MIPOL1: variants seen among roughly 807,000 people sequenced by gnomAD.
The protein encoded by MIPOL1 is mirror-image polydactyly 1.
In MIPOL1, 57 loss-of-function variants were observed where a neutral mutation model predicts 60.9. That is an observed-to-expected ratio of 0.94 (90% confidence interval 0.76 to 1.17). The LOEUF is 1.17. Ranked by LOEUF, MIPOL1 falls within the 50% of genes most tolerant of loss-of-function variation. The pLI, the probability that MIPOL1 is intolerant of heterozygous loss-of-function variation, is 0.00. For missense variants in MIPOL1, 551 were observed against 511.6 expected, an observed-to-expected ratio of 1.08 and a Z score of -0.74; for synonymous variants, 179 against 168.8, an observed-to-expected ratio of 1.06 and a Z score of -0.47.
At chr14:37,397,063 A>G (rs1211922681) in intron 10 of MIPOL1, 1 of 152,086 alleles carries the variant, frequency 6.6e-6, no homozygotes, top group Non-Finnish European at 1.5e-5. Flanking sequence ...GTTTTGTCAT[A>G]TTACCAGAGT....
At chr14:37,327,994 A>C (rs1022556524) in intron 9 of MIPOL1, among the ~76,000 whole-genome samples, 21 of 151,734 alleles carry the variant, frequency 1.4e-4, no homozygotes, top group African/African-American at 5.1e-4. Context: ...TTTTGTCTAA[A>C]ATTTTTGCAG....
At chr14:37,452,058 G>A (rs547781797) in intron 11 of MIPOL1, among the ~76,000 whole-genome samples, 190 of 151,430 alleles carry the variant, frequency 1.3e-3, no homozygotes, top group African/African-American at 4.3e-3. Flanking sequence ...CTCGTGATCC[G>A]CCCGCCTCGG....
chr14:37,496,101 T>G (rs985593635), intron 11 of MIPOL1, among the ~76,000 whole-genome samples: 5 of 152,092 alleles, frequency 3.3e-5, no homozygotes, highest in Non-Finnish European at 7.4e-5. Context: ...TGATGGTAGT[T>G]TCTTTTGCTG....
chr14:37,518,675 T>C (rs1486478862), intron 12 of MIPOL1, among the ~76,000 whole-genome samples: 1 of 152,188 alleles, frequency 6.6e-6, no homozygotes, highest in African/African-American at 2.4e-5. Flanking sequence ...CTCTATCCTC[T>C]GAAAAGGGCT....
intron 7 of MIPOL1, among the ~76,000 whole-genome samples, chr14:37,299,276 CAG>C (rs1002256536): frequency 2.7e-5 from 4 of 145,674 alleles, no homozygotes; most frequent in Admixed American, 7.1e-5. Flanking sequence ...ACATCACACA[CAG>C]GGGACTGTTG....
intron 3 of MIPOL1, among the ~76,000 whole-genome samples, chr14:37,255,685 G>C (rs183233190): frequency 4.0e-4 from 61 of 151,772 alleles, no homozygotes; most frequent in Admixed American, 8.5e-4. Context: ...AGCAAGTCAG[G>C]CTTCAAAATT....
chr14:37,324,675 G>A (rs1040622014), intron 9 of MIPOL1, among the ~76,000 whole-genome samples: 2 of 152,082 alleles, frequency 1.3e-5, no homozygotes, highest in African/African-American at 2.4e-5. Flanking sequence ...AGGCTTTAAT[G>A]TTTTAGTTTT....
At chr14:37,544,594 A>G (rs907002724) in intron 12 of MIPOL1, among the ~76,000 whole-genome samples, 1 of 152,210 alleles carries the variant, frequency 6.6e-6, no homozygotes, top group African/African-American at 2.4e-5. Flanking sequence ...TTCAACAGAC[A>G]CACACGTCTA....
chr14:37,293,115 C>T (rs991636936), intron 7 of MIPOL1, among the ~76,000 whole-genome samples: 12 of 145,100 alleles, frequency 8.3e-5, no homozygotes, highest in South Asian at 2.2e-4. Flanking sequence ...CAGATTCTTA[C>T]GTAATAAGGC....
At position 37,247,171 on chromosome 14, in the gene MIPOL1, T is replaced by C. The variant is rs753381999; in HGVS notation, c.-130T>C. On this transcript the variant is annotated 5_prime_UTR_variant, in exon 2 of 13. Transcript: ENST00000684589. ...TCCAAATCAACATATTTAGAGAAAATTGGAAAAGGAGAAGCTTACTACAGC... is the reference window on the plus strand; with the variant it reads ...TCCAAATCAACATATTTAGAGAAAACTGGAAAAGGAGAAGCTTACTACAGC... The C allele has an allele frequency of 6.6e-6, 1 of 152,226 alleles. No individual in the cohort carries two copies. The highest frequency in any genetic ancestry group is 1.9e-4 in the East Asian group (1 of 5,184). The allele number at this position is 152,226 out of a possible 1,614,324, so 9.4% of individuals were successfully genotyped here. A position where few individuals can be genotyped will look rare whatever the true frequency, so the allele number is the denominator to read the frequency against.
At chr14:37,510,556 A>G (rs2095320333) in intron 12 of MIPOL1, among the ~76,000 whole-genome samples, 2 of 151,940 alleles carry the variant, frequency 1.3e-5, no homozygotes, top group Non-Finnish European at 2.9e-5. Flanking sequence ...TTTTTTTAAT[A>G]TCTATTTTCT....
chr14:37,495,208 C>A (rs2095105113), intron 11 of MIPOL1, among the ~76,000 whole-genome samples: 1 of 148,328 alleles, frequency 6.7e-6, no homozygotes, highest in Admixed American at 6.8e-5. Context: ...TATACATGTG[C>A]CATGCTGGTG....
At chr14:37,299,302 G>C (rs536790680) in intron 7 of MIPOL1, among the ~76,000 whole-genome samples, 1 of 151,894 alleles carries the variant, frequency 6.6e-6, no homozygotes, top group Non-Finnish European at 1.5e-5. Context: ...GGTAGGGAGA[G>C]GGGGGCGGGA....
intron 11 of MIPOL1, among the ~76,000 whole-genome samples, chr14:37,469,279 G>A (rs1347343964): frequency 6.6e-6 from 1 of 152,124 alleles, no homozygotes; most frequent in Non-Finnish European, 1.5e-5. Context: ...AAAGGCAAAG[G>A]GGGAGCAGAT....
intron 7 of MIPOL1, among the ~76,000 whole-genome samples, chr14:37,303,160 A>G (rs2086467446): frequency 6.6e-6 from 1 of 152,062 alleles, no homozygotes; most frequent in East Asian, 1.9e-4. Context: ...TTTTCATAAA[A>G]TGTCACAACT....
At chr14:37,385,350 G>T (rs994479010) in intron 10 of MIPOL1, 1 of 152,076 alleles carries the variant, frequency 6.6e-6, no homozygotes, top group Non-Finnish European at 1.5e-5. Context: ...GGTGTTGAAA[G>T]GTGAAACATT....
intron 11 of MIPOL1, among the ~76,000 whole-genome samples, chr14:37,476,798 T>C (rs2094781119): frequency 6.6e-6 from 1 of 152,140 alleles, no homozygotes; most frequent in South Asian, 2.1e-4. Flanking sequence ...TAGTGTGTAA[T>C]TCCTTATATA....
At position 37,492,231 on chromosome 14, in the gene MIPOL1, C is replaced by CT. The variant is rs1320392958; in HGVS notation, c.1032-7675dup. Among the ~76,000 whole-genome samples, 18 of 152,232 alleles carry CT rather than the reference C, an allele frequency of 1.2e-4. No individual in the cohort carries two copies. The South Asian group carries it at 1.9e-3, about 16-fold the overall frequency. ...GACATTATCCTTTCAGAAATGTATT[C>CT]TTAGGAAAAAGCAGCACATACTTCT... On this transcript the variant is annotated intron_variant, in intron 11 of 12. Coordinates refer to ENST00000684589, the MANE Select transcript of MIPOL1 (RefSeq NM_001388067.1).
chr14:37,452,882 G>A (rs183483893), intron 11 of MIPOL1, among the ~76,000 whole-genome samples: 111 of 152,198 alleles, frequency 7.3e-4, no homozygotes, highest in African/African-American at 2.6e-3. Flanking sequence ...AGAGTTAATG[G>A]GATTAATGTC....
Sources: allele counts gnomAD v4.1 joint callset (sites outside exome capture counted in the v4.1 genomes callset), GRCh38; gene constraint gnomAD v4.1.1; transcripts MANE v1.5; gene names NCBI Gene and HGNC (gene_info 2026-07-23, HGNC 2026-07-21).